Variants in PTGFRN observed in about 807,000 individuals in gnomAD.
PTGFRN encodes prostaglandin F2 receptor inhibitor.
In PTGFRN, 35 loss-of-function variants were observed where a neutral mutation model predicts 83.2. That is an observed-to-expected ratio of 0.42 (90% CI 0.32 to 0.56). The LOEUF is 0.56. Among genes scored for constraint, PTGFRN ranks in the 20% least tolerant of loss-of-function variants. PTGFRN has a pLI of 0.11. For missense variants in PTGFRN, 1,051 were observed against 1,179.5 expected (o/e 0.89, Z 1.60); for synonymous variants, 519 against 498.6 (o/e 1.04, Z -0.55).
intron 4 of PTGFRN, among the ~76,000 whole-genome samples, chr1:116,955,277 A>T (rs778772291): frequency 1.7e-4 from 26 of 152,218 alleles, no homozygotes; most frequent in Non-Finnish European, 3.1e-4. Flanking sequence ...AACGTTAGTG[A>T]TGCTGCACTT....
chr1:116,946,386 G>C (rs1650203447), intron 3 of PTGFRN, among the ~76,000 whole-genome samples: 1 of 152,176 alleles, frequency 6.6e-6, no homozygotes, highest in African/African-American at 2.4e-5. Flanking sequence ...GGCTCCACTG[G>C]CTGCAGAAAT....
intron 7 of PTGFRN, among the ~76,000 whole-genome samples, chr1:116,982,604 CAGG>C (rs1557751223): frequency 1.3e-5 from 2 of 151,964 alleles, no homozygotes; most frequent in Admixed American, 1.3e-4. Flanking sequence ...GGAGTGTTCT[CAGG>C]AGAACACTGA....
chr1:116,913,268 G>T (rs539428457), intron 1 of PTGFRN, among the ~76,000 whole-genome samples: 1 of 152,216 alleles, frequency 6.6e-6, no homozygotes, highest in Admixed American at 6.5e-5. Context: ...TTTGAGTTGA[G>T]CCTTGAGGAT....
intron 5 of PTGFRN, among the ~76,000 whole-genome samples, chr1:116,964,675 GCCTCCTTGAC>G (rs1274820653): frequency 1.8e-4 from 27 of 152,072 alleles, no homozygotes; most frequent in Non-Finnish European, 2.8e-4. Context: ...ATATTACATT[GCCTCCTTGAC>G]ACTACTTGAC....
intron 1 of PTGFRN, among the ~76,000 whole-genome samples, chr1:116,930,646 G>A (rs1649771389): frequency 6.6e-6 from 1 of 152,082 alleles, no homozygotes; most frequent in Non-Finnish European, 1.5e-5. Flanking sequence ...CTCTGTTGTG[G>A]CTCTCAGAGC....
chr1:116,951,952 A>G (rs1307679687), intron 4 of PTGFRN, among the ~76,000 whole-genome samples: 2 of 152,110 alleles, frequency 1.3e-5, no homozygotes, highest in African/African-American at 4.8e-5. Flanking sequence ...TAGACAGACA[A>G]CCTGACAAGC....
chr1:116,947,923 C>T (rs1387215073), intron 3 of PTGFRN, among the ~76,000 whole-genome samples: 1 of 152,196 alleles, frequency 6.6e-6, no homozygotes, highest in Non-Finnish European at 1.5e-5. Flanking sequence ...ATACTGTGCC[C>T]ACCTTATTTT....
intron 5 of PTGFRN, 60 bp from the exon 6 acceptor site, chr1:116,966,851 T>G (rs949102426): frequency 3.3e-6 from 5 of 1,500,026 alleles, no homozygotes; most frequent in Non-Finnish European, 4.5e-6. Context: ...TTGCTTTTAG[T>G]TGCATTTTTA....
rs1651653155 is a variant in PTGFRN, at chr1:116,989,674, GTTTAC to G, written c.*2712_*2716del. The G allele has an allele frequency of 6.6e-6, 1 of 152,466 alleles. No individual in the cohort carries two copies. The highest frequency in any genetic ancestry group is 2.1e-4 in the South Asian group (1 of 4,816). 9.4% of individuals were successfully genotyped at this position (152,466 alleles called of 1,614,324 possible). On this transcript the variant is annotated 3_prime_UTR_variant, in exon 9 of 9. Coordinates refer to ENST00000393203, the MANE Select transcript of PTGFRN (RefSeq NM_020440.4). Reference sequence around the variant, plus strand: ...AGAAGCCTCGAAATTCCTGTAAATTGTTTACTTTATGATGTTTACATACACGTTTC... The same window carrying G: ...AGAAGCCTCGAAATTCCTGTAAATTGTTTATGATGTTTACATACACGTTTC...
At chr1:116,976,038 G>A (rs560361679) in intron 7 of PTGFRN, among the ~76,000 whole-genome samples, 1 of 152,286 alleles carries the variant, frequency 6.6e-6, no homozygotes, top group South Asian at 2.1e-4. Flanking sequence ...ATGACCTTAT[G>A]GAGCTGAAAA....
intron 1 of PTGFRN, among the ~76,000 whole-genome samples, chr1:116,936,724 T>G (rs1429162170): frequency 6.6e-6 from 1 of 152,154 alleles, no homozygotes; most frequent in South Asian, 2.1e-4. Context: ...GGGAGAACAG[T>G]TGGAGATGAA....
intron 1 of PTGFRN, among the ~76,000 whole-genome samples, chr1:116,917,032 C>T (rs1344658759): frequency 1.3e-5 from 2 of 151,938 alleles, no homozygotes; most frequent in African/African-American, 2.4e-5. Context: ...AGCACGCTGT[C>T]GGAAGCCAAG....
chr1:116,983,531 A>T (rs1295223521), intron 7 of PTGFRN, among the ~76,000 whole-genome samples: 4 of 150,794 alleles, frequency 2.7e-5, no homozygotes, highest in Non-Finnish European at 5.9e-5. Flanking sequence ...AATTATGCTC[A>T]AGTGCCACAG....
chr1:116,912,190 C>T lies in PTGFRN; in HGVS notation c.49+1938C>T, dbSNP rs76977704. ...GCTTGGGGAAATCTTGATTGTACTC[C>T]AGCATATCCTGTCCTGGCTGGATGC... On this transcript the variant is annotated intron_variant, in intron 1 of 8. Coordinates refer to ENST00000393203, the MANE Select transcript of PTGFRN (RefSeq NM_020440.4). Among the ~76,000 whole-genome samples, 1,045 of 152,292 alleles carry T rather than the reference C, an allele frequency of 6.9e-3. 3 individuals carry two copies. The highest frequency in any genetic ancestry group is 0.011 in the Non-Finnish European group (755 of 68,010).
chr1:116,962,913 T>C (rs1650706574), intron 5 of PTGFRN, among the ~76,000 whole-genome samples: 1 of 152,240 alleles, frequency 6.6e-6, no homozygotes, highest in Non-Finnish European at 1.5e-5. Flanking sequence ...GTGTACATTA[T>C]GATAGCACCT....
At chr1:116,931,830 G>C (rs1369690967) in intron 1 of PTGFRN, among the ~76,000 whole-genome samples, 2 of 152,174 alleles carry the variant, frequency 1.3e-5, no homozygotes, top group East Asian at 3.9e-4. Context: ...GGAACTCCAT[G>C]TGGCAATCCA....
At chr1:116,924,793 A>G (rs1006563623) in intron 1 of PTGFRN, among the ~76,000 whole-genome samples, 1 of 152,248 alleles carries the variant, frequency 6.6e-6, no homozygotes, top group Non-Finnish European at 1.5e-5. Flanking sequence ...CCAAAGATCA[A>G]TTCTGGCCCT....
chr1:116,922,266 C>A (rs973130558), intron 1 of PTGFRN, among the ~76,000 whole-genome samples: 2 of 152,152 alleles, frequency 1.3e-5, no homozygotes, highest in African/African-American at 4.8e-5. Flanking sequence ...AAACAACTCA[C>A]AAAACAATTA....
In PTGFRN at chr1:116,949,206, G is replaced by A. The variant is rs931214912; in HGVS notation, c.847G>A (p.Val283Met). The change falls in exon 4 of 9, where the codon GTG (valine) becomes ATG (methionine). Residue 283 changes from valine to methionine, a missense_variant. Around this residue, in one of 3 missense-constraint regions of PTGFRN, gnomAD observed 719 missense variants for 836.6 expected, o/e 0.86. Transcript: ENST00000393203. Reference protein sequence around the residue: ...VIQPSVLRAAVPKNVSVAEGK... With the variant: ...VIQPSVLRAAMPKNVSVAEGK... ...TAATTTTCAAGTTCTGCGAGCAGCT[G>A]TGCCCAAGAATGTGTCTGTGGCTGA... is the stretch of plus-strand genomic sequence containing the variant. The A allele has an allele frequency of 8.2e-6, 13 of 1,589,194 alleles. No individual in the cohort carries two copies. Among genetic ancestry groups the A allele is most frequent in the Non-Finnish European group, 1.1e-5 (13 of 1,164,558 alleles).
Sources: gnomAD v4.1 joint callset for allele counts (sites outside exome capture counted in the v4.1 genomes callset) on GRCh38, gnomAD v4.1.1 for gene constraint, gnomAD v4.1.1 regional missense constraint, MANE v1.5 for transcripts, NCBI Gene and HGNC (gene_info 2026-07-23, HGNC 2026-07-21) for gene names.